Variants in TMEM94 observed in about 807,000 individuals in gnomAD.
The protein encoded by TMEM94 is ER Mg2+ ATPase.
Under a neutral mutation model 158.6 loss-of-function variants are expected in TMEM94, and 81 were observed. The observed-to-expected ratio is 0.51, with a 90% CI of 0.43 to 0.61. The LOEUF is 0.61. TMEM94 is among the 20% of genes least tolerant of loss of function. TMEM94 has a pLI of 0.00. For missense variants in TMEM94, 1,435 were observed against 1,762.0 expected (o/e 0.81, Z 3.32); for synonymous variants, 751 against 730.7 (o/e 1.03, Z -0.45).
chr17:75,466,152 A>T (rs188381451), intron 1 of TMEM94, among the ~76,000 whole-genome samples: 2 of 152,304 alleles, frequency 1.3e-5, no homozygotes, highest in African/African-American at 4.8e-5. Context: ...CAAGTTATAA[A>T]GATTCCTGCC....
intron 2 of TMEM94, among the ~76,000 whole-genome samples, chr17:75,478,608 C>T (rs1170242650): frequency 6.6e-5 from 10 of 152,186 alleles, no homozygotes; most frequent in African/African-American, 2.2e-4. Context: ...CAAATCCCCA[C>T]GCCCTGCCAG....
At position 75,498,382 on chromosome 17, in the gene TMEM94, C is replaced by T. The variant is rs1288941002; in HGVS notation, c.3638+59C>T. ...TGCCTCGCCTCGAGGCTTCCTCCCT[C>T]CCCACCCCAGCCTACCTCCCTGCGG... On this transcript the variant is annotated intron_variant, in intron 28 of 31. Transcript: ENST00000314256. This position sits in a 1 kb window ranked among gnomAD's most constrained non-coding sequence, Gnocchi z 6.7. 5 of 1,611,462 alleles carry T rather than the reference C, an allele frequency of 3.1e-6. No individual in the cohort carries two copies. The highest frequency in any genetic ancestry group is 2.7e-5 in the African/African-American group (2 of 74,930).
Position 75,496,200 on chromosome 17 carries a change from T to A in TMEM94, c.3054-82T>A, listed in dbSNP as rs141593368. The stretch of plus-strand genomic sequence containing the variant: ...TCGCCCTGGCTGGGACCAATGCACC[T>A]GGGCATGGTGGGAGAAGAGGGTGGG... On this transcript the variant is annotated intron_variant, in intron 23 of 31. Transcript: ENST00000314256. 2.7e-3 allele frequency: 4,267 copies of A among 1,585,884 alleles called. 19 individuals are homozygous for A. The highest frequency in any genetic ancestry group is 4.8e-3 in the Middle Eastern group (29 of 5,994).
At chr17:75,490,986 G>A in intron 11 of TMEM94, 63 bp from the exon 12 acceptor site, 1 of 1,337,380 alleles carries the variant, frequency 7.5e-7, no homozygotes, top group Non-Finnish European at 1.0e-6. Flanking sequence ...TCCCCTAGAG[G>A]CCGTCTCCAG....
rs1253963939 is a variant in TMEM94 at position 75,497,800 on chromosome 17, C to A, written c.3427C>A (p.Pro1143Thr). 6.2e-7 allele frequency: 1 copy of A among 1,613,156 alleles called. No individual in the cohort carries two copies. The highest frequency in any genetic ancestry group is 1.1e-5 in the South Asian group (1 of 91,048). Residue 1143 changes from proline (P) to threonine (T), a missense_variant, in exon 27 of 32, where the codon CCC becomes ACC. Pro to Thr is a conservative substitution (Grantham distance 38). Around this residue, in one of 3 missense-constraint regions of TMEM94, gnomAD observed 335 missense variants for 409.1 expected, o/e 0.82. Coordinates refer to ENST00000314256, the MANE Select transcript of TMEM94 (RefSeq NM_014738.6). The stretch of plus-strand genomic sequence containing the variant: ...TTTCAGCATCTCTCTGCTGGGGAAG[C>A]CCCCCCATAGCTCCATCATGTCTAT... ...PLLSISLLGK[P>T]PHSSIMSMAT...
At chr17:75,478,730 C>T (rs2050917082) in intron 2 of TMEM94, among the ~76,000 whole-genome samples, 1 of 152,174 alleles carries the variant, frequency 6.6e-6, no homozygotes, top group Non-Finnish European at 1.5e-5. Context: ...CCTCTTGCTC[C>T]AGTTAAGCCT....
Position 75,486,476 on chromosome 17 carries a change from A to G in TMEM94, c.409+50A>G, listed in dbSNP as rs375514176. ...GTGGGAAAAGATGACCGGACATATC[A>G]GAGCCCTGAGGGCTCCCCTCCTGCA... On this transcript the variant is annotated intron_variant, in intron 5 of 31. Coordinates refer to ENST00000314256, the MANE Select transcript of TMEM94 (RefSeq NM_014738.6). 1.4e-5 allele frequency: 23 copies of G among 1,611,240 alleles called. No individual in the cohort carries two copies. In the African/African-American group the frequency reaches 2.8e-4, roughly 20 times the overall value.
rs749101984 is a variant in TMEM94, at chr17:75,498,524, T to C, written c.3719T>C (p.Ile1240Thr). ...LSAQKLTAAL[I>T]VLHTVFISIT... ...GCTCAGAAGCTCACGGCCGCCCTGA[T>C]TGTCCTGCACACTGGTGAGAGGGCT... The change falls in exon 29 of 32, where the codon ATT (isoleucine) becomes ACT (threonine). Residue 1240 changes from isoleucine to threonine, a missense_variant. By Grantham distance (89) the Ile-to-Thr change is moderately conservative. Around this residue, in one of 3 missense-constraint regions of TMEM94, gnomAD observed 335 missense variants for 409.1 expected, o/e 0.82. Coordinates refer to ENST00000314256, the MANE Select transcript of TMEM94 (RefSeq NM_014738.6). The surrounding 1 kb of genome is among the most constrained non-coding windows in gnomAD (Gnocchi z 6.7). The C allele has an allele frequency of 1.6e-5, 25 of 1,607,354 alleles. 1 individual carries two copies. The highest frequency in any genetic ancestry group is 1.7e-4 in the Middle Eastern group (1 of 6,032).
At position 75,488,911 on chromosome 17, in the gene TMEM94, G is replaced by A; in HGVS notation, c.764+1G>A. ...AGACCCCTGTGATTGACAACATCAGGTAGGGGTGCTGCCCCGCCTCCTCCT... is the reference window on the plus strand; with the variant it reads ...AGACCCCTGTGATTGACAACATCAGATAGGGGTGCTGCCCCGCCTCCTCCT... On this transcript the variant is annotated splice_donor_variant, in intron 7 of 31. Transcript: ENST00000314256. LOFTEE classifies it high-confidence loss of function. 2 of 1,567,216 alleles carry A rather than the reference G, an allele frequency of 1.3e-6. No individual in the cohort carries two copies. Among genetic ancestry groups the A allele is most frequent in the Non-Finnish European group, 1.7e-6 (2 of 1,154,408 alleles).
At chr17:75,458,238 A>T (rs1460382649) in intron 1 of TMEM94, among the ~76,000 whole-genome samples, 1 of 152,112 alleles carries the variant, frequency 6.6e-6, no homozygotes, top group Non-Finnish European at 1.5e-5. Context: ...GAGGCAGAAA[A>T]AGATTGAGAG....
chr17:75,470,728 G>A (rs1041121386), intron 1 of TMEM94, among the ~76,000 whole-genome samples: 3 of 144,014 alleles, frequency 2.1e-5, no homozygotes, highest in African/African-American at 7.8e-5. Flanking sequence ...AGTCCAGCCT[G>A]ACCAACATGG....
intron 4 of TMEM94, 76 bp from the exon 5 acceptor site, chr17:75,486,214 G>A: frequency 6.3e-7 from 1 of 1,588,374 alleles, no homozygotes; most frequent in Non-Finnish European, 8.6e-7. Context: ...GGTGGGAAGG[G>A]GAGCTGTGGC....
At position 75,492,077 on chromosome 17, in the gene TMEM94, T is replaced by G; in HGVS notation, c.1596+177T>G. The G allele has an allele frequency of 1.3e-6, 1 of 780,792 alleles. No homozygotes were observed. The highest frequency in any genetic ancestry group is 2.0e-6 in the Non-Finnish European group (1 of 494,784). 48.4% of individuals were successfully genotyped at this position (780,792 alleles called of 1,614,324 possible). ...CTCCCCAAGTCTGCTGCGAAGTAGG[T>G]GGAGCCTCCCCCTACCCTTCCATTC... is the stretch of plus-strand genomic sequence containing the variant. On this transcript the variant is annotated intron_variant, in intron 14 of 31. Transcript: ENST00000314256. This position sits in a 1 kb window ranked among gnomAD's most constrained non-coding sequence, Gnocchi z 4.4.
rs369565336 is a variant in TMEM94, at chr17:75,485,460, G to A, written c.57G>A (p.Thr19=). ...CTCCCTCAGCCCTGGGCCTGTCCAC[G>A]CGGAAGGCCCTCAGCGTCCTGAAGG... The part of the protein sequence containing the change: ...GEPPSALGLS[T]RKALSVLKEQ... Residue 19 remains threonine, a synonymous_variant, in exon 3 of 32, where the codon ACG becomes ACA. Transcript: ENST00000314256. The surrounding 1 kb of genome is among the most constrained non-coding windows in gnomAD (Gnocchi z 5.5). 4.8e-4 allele frequency: 777 copies of A among 1,614,142 alleles called. 8 individuals are homozygous for A. The South Asian group carries it at 5.0e-3, about 10-fold the overall frequency.
intron 31 of TMEM94, 68 bp from the exon 32 acceptor site, chr17:75,499,194 G>C: frequency 6.2e-7 from 1 of 1,600,850 alleles, no homozygotes; most frequent in African/African-American, 1.3e-5. Context: ...CTCCTCCTCT[G>C]GTGTCCTGCC....
chr17:75,465,655 T>TA (rs9302993), intron 1 of TMEM94, among the ~76,000 whole-genome samples: 32,001 of 97,332 alleles, frequency 0.33, 4,876 homozygotes, highest in Middle Eastern at 0.42. Flanking sequence ...ATAAGAATTT[T>TA]TATATATATA....
intron 4 of TMEM94, 71 bp from the exon 5 acceptor site, chr17:75,486,219 T>C: frequency 6.3e-7 from 1 of 1,595,146 alleles, no homozygotes; most frequent in South Asian, 1.1e-5. Context: ...GAAGGGGAGC[T>C]GTGGCCTGGG....
At chr17:75,474,682 C>G (rs1363444457) in intron 2 of TMEM94, among the ~76,000 whole-genome samples, 1 of 152,090 alleles carries the variant, frequency 6.6e-6, no homozygotes, top group Admixed American at 6.5e-5. Flanking sequence ...CAAAAACAGT[C>G]AGAAGGTGTC....
rs369890853 is a variant in TMEM94, at chr17:75,489,705, C to T, written c.954+43C>T. The T allele has an allele frequency of 3.9e-5, 60 of 1,519,730 alleles. No homozygotes were observed. The highest frequency in any genetic ancestry group is 3.6e-4 in the African/African-American group (26 of 73,066). The allele number at this position is 1,519,730 out of a possible 1,614,324, so 94.1% of individuals were successfully genotyped here. On this transcript the variant is annotated intron_variant, in intron 9 of 31. Transcript: ENST00000314256. This position sits in a 1 kb window ranked among gnomAD's most constrained non-coding sequence, Gnocchi z 5.0. ...CTCTCTGTCATGCTTCCCTCCGACC[C>T]GCAGGGCTGGCTCTTCTCCTAGTAC...
Sources: allele counts gnomAD v4.1 joint callset (sites outside exome capture counted in the v4.1 genomes callset), GRCh38; gene constraint gnomAD v4.1.1; regional missense constraint gnomAD v4.1.1; non-coding constraint Gnocchi (gnomAD v3.1); transcripts MANE v1.5; gene names NCBI Gene and HGNC (gene_info 2026-07-23, HGNC 2026-07-21).